Variants in HECW1 observed in about 807,000 individuals in gnomAD.
HECW1 encodes the protein E3 ubiquitin-protein ligase HECW1.
Under a neutral mutation model 182.3 loss-of-function variants are expected in HECW1, and 61 were observed. That is an observed-to-expected ratio of 0.33 (90% CI 0.27 to 0.41). The LOEUF (loss-of-function observed/expected upper bound fraction) is 0.41, where lower values mean the gene tolerates loss of function less well. Ranked by LOEUF, HECW1 falls within the 10% of genes least tolerant of loss-of-function variation. HECW1 has a pLI of 1.00. For missense variants in HECW1, 1,739 were observed against 2,108.9 expected, an observed-to-expected ratio of 0.82 and a Z score of 3.44; for synonymous variants, 859 against 832.6, an observed-to-expected ratio of 1.03 and a Z score of -0.55.
chr7:43,128,986 TGAG>T (rs1359285973), intron 2 of HECW1, among the ~76,000 whole-genome samples: 1 of 152,148 alleles, frequency 6.6e-6, no homozygotes, highest in Non-Finnish European at 1.5e-5. Flanking sequence ...TTTTAACAGA[TGAG>T]GAGTTGCTTC....
chr7:43,349,264 C>A (rs1178572266), intron 5 of HECW1, among the ~76,000 whole-genome samples: 3 of 152,158 alleles, frequency 2.0e-5, no homozygotes, highest in African/African-American at 7.2e-5. Flanking sequence ...AAACTCCTGA[C>A]CTCAAGTCAT....
chr7:43,319,601 CTTTTTTTTT>C lies in HECW1; in HGVS notation c.353-1018_353-1010del, dbSNP rs796502195. Among the ~76,000 whole-genome samples, 3 of 47,456 alleles carry C rather than the reference CTTTTTTTTT, an allele frequency of 6.3e-5. 1 individual carries two copies. Among genetic ancestry groups the C allele is most frequent in the Admixed American group, 3.5e-4 (1 of 2,840 alleles). The allele number at this position is 47,456 out of a possible 152,430, so 31.1% of individuals were successfully genotyped here. A position where few individuals can be genotyped will look rare whatever the true frequency, so the allele number is the denominator to read the frequency against. Reference sequence around the variant, plus strand: ...CTGTTCTTTTCCTTTCTTTTCTTTTCTTTTTTTTTTTTTTTTTTTTTTTTGTGAGACAGA... The same window carrying C: ...CTGTTCTTTTCCTTTCTTTTCTTTTCTTTTTTTTTTTTTTTGTGAGACAGA... On this transcript the variant is annotated intron_variant, in intron 4 of 29. Coordinates refer to ENST00000395891, the MANE Select transcript of HECW1 (RefSeq NM_015052.5).
chr7:43,161,249 GT>G (rs1028224285), intron 2 of HECW1, among the ~76,000 whole-genome samples: 1 of 151,850 alleles, frequency 6.6e-6, no homozygotes, highest in Non-Finnish European at 1.5e-5. Context: ...ATTGCTTTGG[GT>G]TTTTTTTAAT....
At chr7:43,457,243 A>G (rs568152238) in intron 13 of HECW1, among the ~76,000 whole-genome samples, 2 of 152,348 alleles carry the variant, frequency 1.3e-5, no homozygotes, top group East Asian at 3.9e-4. Flanking sequence ...TGGCAGCTTC[A>G]GGATACTTTT....
chr7:43,229,218 G>A (rs1038695791), intron 2 of HECW1, among the ~76,000 whole-genome samples: 24 of 152,132 alleles, frequency 1.6e-4, no homozygotes, highest in African/African-American at 5.8e-4. Flanking sequence ...CACCAAATAG[G>A]AGTTCATTTT....
chr7:43,149,941 A>G lies in HECW1; in HGVS notation c.-32+35550A>G, dbSNP rs527941834. Among the ~76,000 whole-genome samples, 9 of 152,336 alleles carry G rather than the reference A, an allele frequency of 5.9e-5. No individual in the cohort carries two copies. In the East Asian group the frequency reaches 1.2e-3, roughly 20 times the overall value. On this transcript the variant is annotated intron_variant, in intron 2 of 29. Coordinates refer to ENST00000395891, the MANE Select transcript of HECW1 (RefSeq NM_015052.5). ...TTGAATTACTGTAGTGGTCATAGAT[A>G]TCTTTTGGCATTGCTGAATGCAATG...
intron 19 of HECW1, among the ~76,000 whole-genome samples, chr7:43,495,955 A>G (rs998694769): frequency 1.3e-5 from 2 of 152,162 alleles, no homozygotes; most frequent in Non-Finnish European, 2.9e-5. Context: ...CACCAAAGAC[A>G]CAAAAGTCTC....
At chr7:43,275,842 A>G (rs1156266899) in intron 3 of HECW1, among the ~76,000 whole-genome samples, 1 of 151,882 alleles carries the variant, frequency 6.6e-6, no homozygotes, top group East Asian at 1.9e-4. Flanking sequence ...AGTTTTGCCA[A>G]TATCCTGCTA....
At chr7:43,468,823 C>T in intron 15 of HECW1, 97 bp from the exon 16 acceptor site, 2 of 1,063,122 alleles carry the variant, frequency 1.9e-6, no homozygotes, top group Admixed American at 2.2e-5. Flanking sequence ...TGCTGTGTCA[C>T]AATCACACTT....
Position 43,444,127 on chromosome 7 carries a change from C to T in HECW1, c.1046-91C>T. The T allele has an allele frequency of 7.8e-7, 1 of 1,286,570 alleles. No homozygotes were observed. Among genetic ancestry groups the T allele is most frequent in the Non-Finnish European group, 1.1e-6 (1 of 932,056 alleles). The allele number at this position is 1,286,570 out of a possible 1,614,324, so 79.7% of individuals were successfully genotyped here. On this transcript the variant is annotated intron_variant, in intron 10 of 29. Transcript: ENST00000395891. This position sits in a 1 kb window ranked among gnomAD's most constrained non-coding sequence, Gnocchi z 4.3. ...CATTCAATATCCTAATGTAGAAATCCCTTAGTGATGGCTTACATGTCCCAC... is the reference window on the plus strand; with the variant it reads ...CATTCAATATCCTAATGTAGAAATCTCTTAGTGATGGCTTACATGTCCCAC...
At chr7:43,122,156 A>G (rs1227759181) in intron 2 of HECW1, 2 of 152,210 alleles carry the variant, frequency 1.3e-5, no homozygotes, top group Non-Finnish European at 1.5e-5. Context: ...TGGCATCTTA[A>G]ATTTCTAATA....
intron 7 of HECW1, 118 bp downstream of exon 7, chr7:43,397,007 T>G (rs2075253992): frequency 1.3e-6 from 1 of 756,138 alleles, no homozygotes. Flanking sequence ...TGCCTCAATT[T>G]CTCAATCTGT....
chr7:43,513,765 A>AT (rs1461370003), intron 24 of HECW1, among the ~76,000 whole-genome samples: 1 of 152,140 alleles, frequency 6.6e-6, no homozygotes, highest in Non-Finnish European at 1.5e-5. Flanking sequence ...ACTTTCTGCA[A>AT]TTGCTGTTTC....
chr7:43,180,742 G>A (rs112882737), intron 2 of HECW1, among the ~76,000 whole-genome samples: 1,930 of 152,266 alleles, frequency 0.013, 36 homozygotes, highest in African/African-American at 0.042. Context: ...ACATGTTTAT[G>A]AAGTACAATG....
intron 13 of HECW1, among the ~76,000 whole-genome samples, chr7:43,461,156 A>G (rs1016898838): frequency 1.3e-5 from 2 of 152,216 alleles, no homozygotes; most frequent in African/African-American, 4.8e-5. Context: ...GGTTTGATTG[A>G]GCCCAGCTAG....
At chr7:43,447,380 G>A (rs1297122227) in intron 11 of HECW1, among the ~76,000 whole-genome samples, 2 of 152,158 alleles carry the variant, frequency 1.3e-5, no homozygotes, top group Admixed American at 6.5e-5. Context: ...TCTAGCAGGT[G>A]GAAGAGCAGG....
At chr7:43,174,245 C>G (rs1184085613) in intron 2 of HECW1, among the ~76,000 whole-genome samples, 1 of 152,124 alleles carries the variant, frequency 6.6e-6, no homozygotes, top group East Asian at 1.9e-4. Flanking sequence ...TGACAAAGCC[C>G]CATTTTCTGA....
chr7:43,487,882 C>T (rs2078704818), intron 17 of HECW1, among the ~76,000 whole-genome samples: 1 of 151,654 alleles, frequency 6.6e-6, no homozygotes, highest in African/African-American at 2.4e-5. Context: ...TTGCTTGGGC[C>T]CAGGAGTTTG....
intron 7 of HECW1, among the ~76,000 whole-genome samples, chr7:43,397,872 T>C (rs537418306): frequency 2.2e-4 from 33 of 152,340 alleles, no homozygotes; most frequent in Middle Eastern, 6.8e-3. Flanking sequence ...CAACATCATA[T>C]GTTAATAATG....
Sources: allele counts gnomAD v4.1 joint callset (sites outside exome capture counted in the v4.1 genomes callset), GRCh38; gene constraint gnomAD v4.1.1; non-coding constraint Gnocchi (gnomAD v3.1); transcripts MANE v1.5; gene names NCBI Gene and HGNC (gene_info 2026-07-23, HGNC 2026-07-21).